PCSK5: variants seen among roughly 807,000 people sequenced by gnomAD.
The protein encoded by PCSK5 is proprotein convertase subtilisin/kexin type 5, also known as prohormone convertase 5.
In PCSK5, 129 loss-of-function variants were observed where a neutral mutation model predicts 233.2. The observed-to-expected ratio is 0.55, with a 90% confidence interval of 0.48 to 0.64. The LOEUF is 0.64. PCSK5 is among the 30% of genes least tolerant of loss of function. The probability of loss-of-function intolerance (pLI) is 0.00; values close to 1 mark genes in which losing one functional copy is unlikely to be tolerated. For synonymous variants in PCSK5, 825 were observed against 879.2 expected, an observed-to-expected ratio of 0.94 and a Z score of 1.09; for missense variants, 2,076 against 2,430.1, an observed-to-expected ratio of 0.85 and a Z score of 3.06.
intron 27 of PCSK5, among the ~76,000 whole-genome samples, chr9:76,297,861 C>T (rs1044300227): frequency 1.3e-5 from 2 of 152,232 alleles, no homozygotes; most frequent in East Asian, 3.9e-4. Context: ...TCCATGGCTG[C>T]TGTCTACTAC....
intron 3 of PCSK5, among the ~76,000 whole-genome samples, chr9:76,021,012 T>C (rs965438610): frequency 6.6e-6 from 1 of 152,232 alleles, no homozygotes; most frequent in Non-Finnish European, 1.5e-5. Context: ...ATGAGGCTTC[T>C]GAAAAACGGA....
intron 24 of PCSK5, among the ~76,000 whole-genome samples, chr9:76,290,304 A>C (rs1400713754): frequency 1.3e-5 from 2 of 152,174 alleles, no homozygotes; most frequent in Non-Finnish European, 2.9e-5. Flanking sequence ...GTCTTTCCCA[A>C]GATTTCTAAG....
intron 32 of PCSK5, 139 bp downstream of exon 32, chr9:76,323,427 A>G: frequency 1.6e-6 from 1 of 613,824 alleles, no homozygotes; most frequent in Non-Finnish European, 2.9e-6. Flanking sequence ...TCTATTGCCC[A>G]GGCTCAAGTT....
At chr9:76,280,457 T>C (rs1827829658) in intron 24 of PCSK5, among the ~76,000 whole-genome samples, 1 of 152,000 alleles carries the variant, frequency 6.6e-6, no homozygotes, top group Non-Finnish European at 1.5e-5. Flanking sequence ...AAAACAAAGG[T>C]AGGGCCGGAC....
intron 9 of PCSK5, among the ~76,000 whole-genome samples, chr9:76,118,179 G>A (rs1388677114): frequency 6.6e-6 from 1 of 152,026 alleles, no homozygotes; most frequent in Non-Finnish European, 1.5e-5. Flanking sequence ...CTGAGGAATC[G>A]TAACATTGGA....
chr9:76,203,415 G>C (rs1752501673), intron 20 of PCSK5, among the ~76,000 whole-genome samples: 1 of 151,786 alleles, frequency 6.6e-6, no homozygotes. Context: ...TTAAAATAGA[G>C]AGATCAGCCT....
intron 6 of PCSK5, among the ~76,000 whole-genome samples, chr9:76,070,103 C>A (rs1830431998): frequency 1.3e-5 from 2 of 151,178 alleles, no homozygotes; most frequent in Non-Finnish European, 2.9e-5. Context: ...TGGGTTCATG[C>A]CATTCTTCTG....
At chr9:76,051,908 G>T (rs1401667054) in intron 5 of PCSK5, among the ~76,000 whole-genome samples, 2 of 152,194 alleles carry the variant, frequency 1.3e-5, no homozygotes, top group African/African-American at 4.8e-5. Context: ...GAGTTAGAAA[G>T]CTTGAAGAGC....
At chr9:76,029,527 C>A (rs1828569046) in intron 5 of PCSK5, among the ~76,000 whole-genome samples, 1 of 152,088 alleles carries the variant, frequency 6.6e-6, no homozygotes, top group South Asian at 2.1e-4. Flanking sequence ...TTATACTTGA[C>A]CTGATTATTT....
At position 76,338,323 on chromosome 9, in the gene PCSK5, C is replaced by T. The variant is rs761826607; in HGVS notation, c.4842C>T (p.Cys1614=). ...QGPRPTDCLS[C]DRFFFLLRSK... ...CACGGCCCACAGACTGCCTGTCTTG[C>T]GATAGATTTTTCTTTCTGCTCCGCT... The change falls in exon 35 of 38, where the codon TGC becomes TGT. Residue 1614 remains cysteine (C), a synonymous_variant. Coordinates refer to ENST00000674117, the MANE Select transcript of PCSK5 (RefSeq NM_001372043.1). The T allele has an allele frequency of 1.5e-5, 24 of 1,612,218 alleles. No individual in the cohort carries two copies. The highest frequency in any genetic ancestry group is 1.6e-4 in the Middle Eastern group (1 of 6,082).
At chr9:76,189,258 G>A (rs962802852) in intron 19 of PCSK5, 35 bp downstream of exon 19, 4 of 1,589,028 alleles carry the variant, frequency 2.5e-6, no homozygotes, top group African/African-American at 2.7e-5. Context: ...CTAGCATTTA[G>A]ACCTAAGTTC....
Position 76,021,174 on chromosome 9 carries a change from T to C in PCSK5, c.412-2564T>C, listed in dbSNP as rs117038224. Among the ~76,000 whole-genome samples the C allele has an allele frequency of 4.2e-3, 643 of 152,282 alleles. 2 individuals are homozygous for C. Among genetic ancestry groups the C allele is most frequent in the Middle Eastern group, 6.8e-3 (2 of 294 alleles). On this transcript the variant is annotated intron_variant, in intron 3 of 37. Transcript: ENST00000674117. ...TTTTGGGATATAATTAGCCAATATTTTTGAAATCCTAGGGCAGACTTAGTT... is the reference window on the plus strand; with the variant it reads ...TTTTGGGATATAATTAGCCAATATTCTTGAAATCCTAGGGCAGACTTAGTT...
chr9:76,311,800 C>T (rs558650730), intron 30 of PCSK5, among the ~76,000 whole-genome samples: 1 of 152,292 alleles, frequency 6.6e-6, no homozygotes, highest in Non-Finnish European at 1.5e-5. Context: ...GCTCTTGTAC[C>T]TTCCTTAGCT....
intron 30 of PCSK5, among the ~76,000 whole-genome samples, chr9:76,318,320 G>A (rs955394992): frequency 6.6e-5 from 10 of 152,132 alleles, no homozygotes; most frequent in African/African-American, 1.2e-4. Flanking sequence ...CTGTCGGAGG[G>A]TAGGGGGCAA....
intron 13 of PCSK5, 37 bp from the exon 14 acceptor site, chr9:76,174,949 A>T: frequency 6.4e-7 from 1 of 1,559,188 alleles, no homozygotes; most frequent in Non-Finnish European, 8.7e-7. Flanking sequence ...AAGAGGGAAA[A>T]TTTGGTCATG....
chr9:75,982,046 A>G (rs547938422), intron 2 of PCSK5, among the ~76,000 whole-genome samples: 2 of 152,266 alleles, frequency 1.3e-5, no homozygotes, highest in African/African-American at 2.4e-5. Context: ...GTGTATAATC[A>G]CTTTAGAGAG....
intron 3 of PCSK5, among the ~76,000 whole-genome samples, chr9:75,999,700 T>C (rs1422377138): frequency 6.6e-6 from 1 of 152,238 alleles, no homozygotes; most frequent in African/African-American, 2.4e-5. Context: ...TTAGAGCCAT[T>C]ATGAACATGT....
chr9:76,075,224 A>AAAT (rs145167571), intron 7 of PCSK5, among the ~76,000 whole-genome samples: 3,298 of 150,646 alleles, frequency 0.022, 72 homozygotes, highest in African/African-American at 0.055. Context: ...CGTCTCAATA[A>AAAT]AATAATAATA....
rs5898445 is a variant in PCSK5 at position 76,040,385 on chromosome 9, GTCTC to G, written c.632+13373_632+13376del. On this transcript the variant is annotated intron_variant, in intron 5 of 37. Coordinates refer to ENST00000674117, the MANE Select transcript of PCSK5 (RefSeq NM_001372043.1). ...TCTCTCTCTCTCTCTCTCTCTCTCT[GTCTC>G]TCTCTCTCTCTCTCTCTCTCTCTCA... Among the ~76,000 whole-genome samples, 42 of 80,658 alleles carry G rather than the reference GTCTC, an allele frequency of 5.2e-4. 2 individuals are homozygous for G. Among genetic ancestry groups the G allele is most frequent in the African/African-American group, 6.8e-4 (16 of 23,370 alleles). 52.9% of individuals were successfully genotyped at this position (80,658 alleles called of 152,430 possible).
Sources: allele counts gnomAD v4.1 joint callset (sites outside exome capture counted in the v4.1 genomes callset), GRCh38; gene constraint gnomAD v4.1.1; transcripts MANE v1.5; gene names NCBI Gene and HGNC (gene_info 2026-07-23, HGNC 2026-07-21).